FBXW7: variants seen among roughly 807,000 people sequenced by gnomAD.
FBXW7 encodes F-box/WD repeat-containing protein 7.
Under a neutral mutation model 86.3 loss-of-function variants are expected in FBXW7, and 11 were observed. The observed-to-expected ratio is 0.13, with a 90% confidence interval of 0.08 to 0.21. The LOEUF (loss-of-function observed/expected upper bound fraction) is 0.21, where lower values mean the gene tolerates loss of function less well. Among genes scored for constraint, FBXW7 ranks in the 10% least tolerant of loss-of-function variants. FBXW7 has a pLI of 1.00. For synonymous variants in FBXW7, 313 were observed against 297.9 expected, an observed-to-expected ratio of 1.05 and a Z score of -0.52; for missense variants, 488 against 847.4, an observed-to-expected ratio of 0.58 and a Z score of 5.27.
chr4:152,465,668 AC>A (rs957324308), intron 2 of FBXW7, among the ~76,000 whole-genome samples: 2 of 151,956 alleles, frequency 1.3e-5, no homozygotes, highest in African/African-American at 4.8e-5. Context: ...ACATGGTGAG[AC>A]CCCATCTCTA....
intron 4 of FBXW7, among the ~76,000 whole-genome samples, chr4:152,383,373 C>A (rs1735258989): frequency 6.6e-6 from 1 of 152,138 alleles, no homozygotes; most frequent in South Asian, 2.1e-4. Context: ...AAGATAAAGT[C>A]TGGAGATGAA....
intron 2 of FBXW7, among the ~76,000 whole-genome samples, chr4:152,457,577 G>T (rs1246601544): frequency 2.0e-5 from 3 of 149,904 alleles, no homozygotes; most frequent in Admixed American, 6.6e-5. Flanking sequence ...CCAGGAGGCG[G>T]AGCTTGCAGT....
chr4:152,325,211 T>C (rs1728911960), intron 12 of FBXW7: 1 of 152,178 alleles, frequency 6.6e-6, no homozygotes, highest in Non-Finnish European at 1.5e-5. Flanking sequence ...ATTTTTATCA[T>C]ATTGTCAATA....
intron 2 of FBXW7, among the ~76,000 whole-genome samples, chr4:152,504,958 C>T (rs900777844): frequency 9.2e-5 from 14 of 152,094 alleles, no homozygotes; most frequent in African/African-American, 3.1e-4. Context: ...TATACAGTCA[C>T]GCATCGCCTC....
At chr4:152,373,326 A>G (rs1332420600) in intron 4 of FBXW7, among the ~76,000 whole-genome samples, 1 of 151,934 alleles carries the variant, frequency 6.6e-6, no homozygotes, top group Non-Finnish European at 1.5e-5. Flanking sequence ...CTACATCCCA[A>G]ATCATACCTT....
chr4:152,343,410 A>G (rs1241461662), intron 6 of FBXW7, among the ~76,000 whole-genome samples: 1 of 152,134 alleles, frequency 6.6e-6, no homozygotes, highest in East Asian at 1.9e-4. Flanking sequence ...TCTCCAATAT[A>G]TTTCCAAGTA....
chr4:152,348,173 T>C (rs1467066755), intron 5 of FBXW7, among the ~76,000 whole-genome samples: 1 of 151,780 alleles, frequency 6.6e-6, no homozygotes, highest in African/African-American at 2.4e-5. Flanking sequence ...CATTATTTTG[T>C]TAAAAAATGT....
intron 6 of FBXW7, among the ~76,000 whole-genome samples, chr4:152,340,844 T>C (rs572215024): frequency 6.6e-6 from 1 of 152,260 alleles, no homozygotes; most frequent in African/African-American, 2.4e-5. Flanking sequence ...GTCTATGATC[T>C]TTCTCTCCAA....
At position 152,326,543 on chromosome 4, in the gene FBXW7, A is replaced by G. The variant is rs534644934; in HGVS notation, c.1419-312T>C. On this transcript the variant is annotated intron_variant, in intron 11 of 13. Transcript: ENST00000281708. ...CACTGTACTGTATTTTTTAAAAAGC[A>G]GCAGAAGCTGCCTCTAAATATATAC... Among the ~76,000 whole-genome samples, 4 of 152,220 alleles carry G rather than the reference A, an allele frequency of 2.6e-5. No individual in the cohort carries two copies. The South Asian group carries it at 8.3e-4, about 32-fold the overall frequency.
At position 152,328,206 on chromosome 4, in the gene FBXW7, A is replaced by G; in HGVS notation, c.1418+2T>C. 1 of 1,582,860 alleles carries G rather than the reference A, an allele frequency of 6.3e-7. No individual in the cohort carries two copies. Among genetic ancestry groups the G allele is most frequent in the Non-Finnish European group, 8.6e-7 (1 of 1,167,524 alleles). On this transcript the variant is annotated splice_donor_variant, in intron 11 of 13. Coordinates refer to ENST00000281708, the MANE Select transcript of FBXW7 (RefSeq NM_001349798.2). LOFTEE classifies it high-confidence loss of function. ...CCCAACCATGACAAGATTTTCCCTT[A>G]CCTTTTTTCATGAAGATGCATACAA... is the stretch of plus-strand genomic sequence containing the variant.
intron 2 of FBXW7, among the ~76,000 whole-genome samples, chr4:152,495,989 C>G (rs1372418310): frequency 6.6e-6 from 1 of 152,096 alleles, no homozygotes; most frequent in Non-Finnish European, 1.5e-5. Flanking sequence ...GCAGCCTGGG[C>G]AACATAGCAA....
intron 2 of FBXW7, among the ~76,000 whole-genome samples, chr4:152,427,714 A>G (rs1291921644): frequency 6.6e-6 from 1 of 152,224 alleles, no homozygotes; most frequent in Non-Finnish European, 1.5e-5. Context: ...AGGACTCCCA[A>G]AAGTGTTTTG....
In FBXW7 at chr4:152,330,793, G is replaced by C. The variant is rs2126535277; in HGVS notation, c.1061C>G (p.Ala354Gly). The change falls in exon 9 of 14, where the codon GCA becomes GGA. Residue 354 changes from alanine to glycine, a missense_variant. Around this residue, in one of 4 missense-constraint regions of FBXW7, gnomAD observed 57 missense variants for 62.8 expected, o/e 0.91. Transcript: ENST00000281708. ...PGFIHSPWKS[A>G]YIRQHRIDTN... The stretch of plus-strand genomic sequence containing the variant: ...ATCAATTCTGTGCTGTCTGATGTAT[G>C]CACTTTTCCATGGACTGTGTATGAA... 6.2e-7 allele frequency: 1 copy of C among 1,612,566 alleles called. No homozygotes were observed. The highest frequency in any genetic ancestry group is 1.3e-5 in the African/African-American group (1 of 74,928).
At chr4:152,380,693 TATAC>T (rs1734985613) in intron 4 of FBXW7, among the ~76,000 whole-genome samples, 1 of 151,996 alleles carries the variant, frequency 6.6e-6, no homozygotes, top group Admixed American at 6.6e-5. Context: ...ACAGGAAATA[TATAC>T]TGTAACATAA....
intron 2 of FBXW7, among the ~76,000 whole-genome samples, chr4:152,527,987 T>C (rs150971437): frequency 0.038 from 5,803 of 151,924 alleles, 158 homozygotes; most frequent in Non-Finnish European, 0.059. Context: ...ATAATAAACA[T>C]TGACGGGTTC....
chr4:152,512,931 G>A (rs146011147), intron 2 of FBXW7, among the ~76,000 whole-genome samples: 2 of 152,200 alleles, frequency 1.3e-5, no homozygotes, highest in African/African-American at 2.4e-5. Flanking sequence ...GCACCATCTC[G>A]GCTCACCGCA....
chr4:152,369,395 C>T (rs528811038), intron 4 of FBXW7, among the ~76,000 whole-genome samples: 11 of 152,168 alleles, frequency 7.2e-5, no homozygotes, highest in African/African-American at 2.2e-4. Context: ...ATGAACTCCA[C>T]GAGGGTGATG....
At chr4:152,486,875 T>A (rs1245521814) in intron 2 of FBXW7, among the ~76,000 whole-genome samples, 2 of 152,138 alleles carry the variant, frequency 1.3e-5, no homozygotes, top group African/African-American at 4.8e-5. Flanking sequence ...TACACTAACA[T>A]CACTACAAAC....
chr4:152,392,354 C>G (rs1736063676), intron 4 of FBXW7, among the ~76,000 whole-genome samples: 1 of 152,110 alleles, frequency 6.6e-6, no homozygotes, highest in Non-Finnish European at 1.5e-5. Flanking sequence ...TGCTGGAACA[C>G]TCACTTGGTA....
Sources: allele counts gnomAD v4.1 joint callset (sites outside exome capture counted in the v4.1 genomes callset), GRCh38; gene constraint gnomAD v4.1.1; regional missense constraint gnomAD v4.1.1; transcripts MANE v1.5; gene names NCBI Gene and HGNC (gene_info 2026-07-23, HGNC 2026-07-21).